PPEF1: variants seen among roughly 807,000 people sequenced by gnomAD.
The protein encoded by PPEF1 is serine/threonine-protein phosphatase with EF-hands 1.
Under a neutral mutation model 53.3 loss-of-function variants are expected in PPEF1, and 12 were observed. The ratio of observed to expected loss-of-function variants is 0.23; its 90% CI spans 0.14 to 0.36. PPEF1 has a LOEUF of 0.36. PPEF1 is among the 10% of genes least tolerant of loss of function. The probability of loss-of-function intolerance (pLI) is 1.00; values close to 1 mark genes in which losing one functional copy is unlikely to be tolerated. For synonymous variants in PPEF1, 165 were observed against 176.7 expected, an observed-to-expected ratio of 0.93 and a Z score of 0.52; for missense variants, 334 against 490.4, an observed-to-expected ratio of 0.68 and a Z score of 3.01.
rs1431167698 is a variant in PPEF1, at chrX:18,722,550, TAA to T, written c.47-7629_47-7628del. Among the ~76,000 whole-genome samples, 5 of 111,926 alleles carry T rather than the reference TAA, an allele frequency of 4.5e-5. No individual in the cohort carries two copies. The East Asian group carries it at 1.4e-3, about 32-fold the overall frequency. On this transcript the variant is annotated intron_variant, in intron 1 of 15. Transcript: ENST00000470157. Reference sequence around the variant, plus strand: ...TTAAAAACCAAAACCAAACCAAACATAAAGACTCTACCAGCCAGCACAAAGAG... The same window carrying T: ...TTAAAAACCAAAACCAAACCAAACATAGACTCTACCAGCCAGCACAAAGAG...
chrX:18,741,975 C>G (rs976063887), intron 3 of PPEF1, among the ~76,000 whole-genome samples: 2 of 108,561 alleles, frequency 1.8e-5, no homozygotes, highest in Non-Finnish European at 3.8e-5. Context: ...TTTTTGTATT[C>G]TTAGTGGAGA....
rs892793397 is a variant in PPEF1 at position 18,759,886 on chromosome X, G to A, written c.512-1644G>A. ...AATTAAATTGTATAGTAATTAAGTT[G>A]GATACAAAGAATAAAAATTTATGAG... is the stretch of plus-strand genomic sequence containing the variant. On this transcript the variant is annotated intron_variant, in intron 5 of 15. Coordinates refer to ENST00000470157, the MANE Select transcript of PPEF1 (RefSeq NM_001377996.1). 4.5e-5 allele frequency among the ~76,000 whole-genome samples: 5 copies of A among 111,845 alleles called. 1 individual carries two copies. Among genetic ancestry groups the A allele is most frequent in the African/African-American group, 1.6e-4 (5 of 30,774 alleles).
chrX:18,743,446 C>CTTTTTTTTTTTTTTTTTTT (rs72264344), intron 3 of PPEF1, among the ~76,000 whole-genome samples: 23 of 59,322 alleles, frequency 3.9e-4, no homozygotes, highest in African/African-American at 1.0e-3. Context: ...TTCTCTTTTT[C>CTTTTTTTTTTTTTTTTTTT]TTTTTTTTTT....
intron 1 of PPEF1, among the ~76,000 whole-genome samples, chrX:18,716,844 TG>T (rs1008517623): frequency 5.4e-5 from 6 of 110,580 alleles, no homozygotes; most frequent in African/African-American, 2.0e-4. Flanking sequence ...AAAATCCCTG[TG>T]AACTCGGACC....
intron 10 of PPEF1, among the ~76,000 whole-genome samples, chrX:18,794,792 T>C (rs770115081): frequency 8.9e-6 from 1 of 111,968 alleles, no homozygotes; most frequent in South Asian, 3.7e-4. Context: ...ACCATAGCCC[T>C]CTACTGGGAG....
chrX:18,804,973 C>T (rs2046629286), intron 11 of PPEF1, among the ~76,000 whole-genome samples: 1 of 110,719 alleles, frequency 9.0e-6, no homozygotes, highest in African/African-American at 3.3e-5. Context: ...TGGGATGCAC[C>T]GTTTCTTTTT....
intron 4 of PPEF1, among the ~76,000 whole-genome samples, chrX:18,750,937 T>C (rs953015491): frequency 3.7e-4 from 41 of 111,935 alleles, no homozygotes; most frequent in African/African-American, 1.3e-3. Flanking sequence ...CCCTAATGAC[T>C]AATGATGTTG....
At chrX:18,688,344 G>A (rs1246826733) in intron 3 of PPEF1, among the ~76,000 whole-genome samples, 1 of 111,963 alleles carries the variant, frequency 8.9e-6, no homozygotes, top group African/African-American at 3.2e-5. Context: ...AAAGGGAGGT[G>A]GTTTTTCTCT....
chrX:18,692,373 G>A (rs910475833), intron 4 of PPEF1, among the ~76,000 whole-genome samples: 3 of 111,888 alleles, frequency 2.7e-5, no homozygotes, highest in Admixed American at 9.5e-5. Context: ...TGTCTATCTT[G>A]TCCACCCCTT....
intron 1 of PPEF1, among the ~76,000 whole-genome samples, chrX:18,720,004 A>AT (rs1324005820): frequency 8.9e-6 from 1 of 111,925 alleles, no homozygotes; most frequent in African/African-American, 3.2e-5. Flanking sequence ...AATGAGACAG[A>AT]TGAGCACCAC....
Position 18,818,022 on chromosome X carries a change from T to A in PPEF1, c.1395-17T>A, listed in dbSNP as rs773824981. 2 of 1,076,926 alleles carry A rather than the reference T, an allele frequency of 1.9e-6. No individual in the cohort carries two copies. The highest frequency in any genetic ancestry group is 5.1e-5 in the Admixed American group (2 of 39,291). 88.8% of individuals were successfully genotyped at this position (1,076,926 alleles called of 1,213,427 possible). On this transcript the variant is annotated splice_polypyrimidine_tract_variant and intron_variant, in intron 12 of 15. Transcript: ENST00000470157. ...ATGATTTATGTTACTTTTACCTAAT[T>A]ATTGTTTTCTTTGCAGAGTGGATAC...
intron 6 of PPEF1, among the ~76,000 whole-genome samples, chrX:18,770,942 G>T (rs1394116203): frequency 8.9e-6 from 1 of 112,425 alleles, no homozygotes; most frequent in Non-Finnish European, 1.9e-5. Context: ...GAATCCCTGG[G>T]TTGCAAACTC....
At chrX:18,742,227 A>G (rs2045191342) in intron 3 of PPEF1, among the ~76,000 whole-genome samples, 1 of 111,999 alleles carries the variant, frequency 8.9e-6, no homozygotes, top group Non-Finnish European at 1.9e-5. Context: ...GTGTATGGGC[A>G]TTTGAGTTGT....
At position 18,744,618 on chromosome X, in the gene PPEF1, T is replaced by G. The variant is rs145625416; in HGVS notation, c.236-5174T>G. The stretch of plus-strand genomic sequence containing the variant: ...TTCACTTTTCTTTCTGCTTCTCAGA[T>G]CAGCCAAAATGTCCTATCGGACCAG... On this transcript the variant is annotated intron_variant, in intron 3 of 15. Transcript: ENST00000470157. Among the ~76,000 whole-genome samples the G allele has an allele frequency of 8.6e-3, 957 of 111,812 alleles. 10 individuals are homozygous for G. The highest frequency in any genetic ancestry group is 0.03 in the African/African-American group (910 of 30,806).
chrX:18,820,674 C>T (rs182276055), intron 13 of PPEF1, among the ~76,000 whole-genome samples: 2,933 of 110,185 alleles, frequency 0.027, 38 homozygotes, highest in Non-Finnish European at 0.038. Context: ...CGTGAGCCAC[C>T]GCGCCTGGCC....
chrX:18,751,921 A>G (rs918063418), intron 4 of PPEF1, among the ~76,000 whole-genome samples: 7 of 112,671 alleles, frequency 6.2e-5, no homozygotes, highest in Non-Finnish European at 1.3e-4. Context: ...GTTTTGAAAT[A>G]GGGAAGTGTG....
chrX:18,679,838 C>A (rs1928810133), upstream of PPEF1, among the ~76,000 whole-genome samples: 1 of 111,502 alleles, frequency 9.0e-6, no homozygotes, highest in Admixed American at 9.6e-5. Flanking sequence ...TGCTTGTAAT[C>A]CCAGCACTTT....
At chrX:18,804,332 A>T (rs1196995144) in intron 11 of PPEF1, among the ~76,000 whole-genome samples, 1 of 106,390 alleles carries the variant, frequency 9.4e-6, no homozygotes, top group African/African-American at 3.5e-5. Flanking sequence ...TTTGAGATGG[A>T]GTCTCACTCT....
chrX:18,741,772 C>CTTT (rs58971135), intron 3 of PPEF1, among the ~76,000 whole-genome samples: 114 of 65,895 alleles, frequency 1.7e-3, no homozygotes, highest in Non-Finnish European at 2.2e-3. Context: ...GCTGCTGCTT[C>CTTT]TTTTTTTTTT....
Sources: allele counts gnomAD v4.1 joint callset (sites outside exome capture counted in the v4.1 genomes callset), GRCh38; gene constraint gnomAD v4.1.1; transcripts MANE v1.5; gene names NCBI Gene and HGNC (gene_info 2026-07-23, HGNC 2026-07-21).